Variants in SIPA1L3 observed in about 807,000 individuals in gnomAD.
SIPA1L3 encodes the protein signal induced proliferation associated 1 like 3.
A neutral mutation model predicts 150.1 loss-of-function variants in SIPA1L3; 59 were observed. That is an observed-to-expected ratio of 0.39 (90% confidence interval 0.32 to 0.49). The LOEUF (loss-of-function observed/expected upper bound fraction) is 0.49. Ranked by LOEUF, SIPA1L3 falls within the 20% of genes least tolerant of loss-of-function variation. SIPA1L3 has a pLI of 0.86. For missense variants in SIPA1L3, 2,211 were observed against 2,489.5 expected (o/e 0.89, Z 2.38); for synonymous variants, 1,070 against 1,077.6 (o/e 0.99, Z 0.14).
At chr19:38,127,320 A>T (rs1325882998) in intron 9 of SIPA1L3, among the ~76,000 whole-genome samples, 2 of 152,280 alleles carry the variant, frequency 1.3e-5, no homozygotes, top group East Asian at 3.9e-4. Context: ...TTATCATTTC[A>T]TCTGTAAATT....
intron 1 of SIPA1L3, among the ~76,000 whole-genome samples, chr19:37,939,339 T>A (rs1363443901): frequency 7.1e-6 from 1 of 140,340 alleles, no homozygotes; most frequent in South Asian, 2.2e-4. Context: ...AGGCGGAGGC[T>A]GCAGTGAGCC....
At chr19:38,129,615 ACT>A (rs36021555) in intron 9 of SIPA1L3, among the ~76,000 whole-genome samples, 53,258 of 142,066 alleles carry the variant, frequency 0.37, 10,559 homozygotes, top group East Asian at 0.62. Context: ...ACAGAGCGAG[ACT>A]CTGTCTCAAA....
Position 38,193,665 on chromosome 19 carries a change from C to A in SIPA1L3, c.4725C>A (p.Ser1575Arg). The A allele has an allele frequency of 6.3e-7, 1 of 1,581,354 alleles. No individual in the cohort carries two copies. Among genetic ancestry groups the A allele is most frequent in the Non-Finnish European group, 8.5e-7 (1 of 1,171,570 alleles). Residue 1575 changes from serine (S) to arginine (R), a missense_variant, in exon 18 of 22, where the codon AGC becomes AGA. By Grantham distance (110) the Ser-to-Arg change is moderately radical (BLOSUM62 -1). This residue lies in a region of SIPA1L3 where 806 missense variants were observed against 870.1 expected (regional missense o/e 0.93). Transcript: ENST00000222345. Reference sequence around the variant, plus strand: ...TGCCCAGCGACGTGCTCTTCACCAGCACCTGCGCCTTCCCGTCCAGCACGC... The same window carrying A: ...TGCCCAGCGACGTGCTCTTCACCAGAACCTGCGCCTTCCCGTCCAGCACGC... The part of the protein sequence containing the change: ...PGLPSDVLFT[S>R]TCAFPSSTLP...
At chr19:38,167,119 G>C (rs565297307) in intron 15 of SIPA1L3, among the ~76,000 whole-genome samples, 81 of 151,616 alleles carry the variant, frequency 5.3e-4, no homozygotes, top group Non-Finnish European at 8.7e-4. Context: ...TGTAGTCCCA[G>C]ATACTCGGGA....
intron 1 of SIPA1L3, among the ~76,000 whole-genome samples, chr19:37,980,098 C>T (rs1022251483): frequency 2.0e-5 from 3 of 152,230 alleles, no homozygotes; most frequent in South Asian, 2.1e-4. Context: ...CCTTGACCCT[C>T]TCCCCATCAC....
At chr19:38,151,757 G>C (rs535561806) in intron 12 of SIPA1L3, among the ~76,000 whole-genome samples, 1 of 152,032 alleles carries the variant, frequency 6.6e-6, no homozygotes, top group African/African-American at 2.4e-5. Context: ...GGGCCCAGGA[G>C]TTCAAGACCA....
intron 8 of SIPA1L3, among the ~76,000 whole-genome samples, chr19:38,111,870 TGCACAC>T (rs1303715370): frequency 2.0e-5 from 3 of 152,178 alleles, no homozygotes; most frequent in East Asian, 1.9e-4. Context: ...TTTACACACA[TGCACAC>T]GCACACGTGC....
chr19:37,956,218 G>T (rs1002303525), intron 1 of SIPA1L3, among the ~76,000 whole-genome samples: 68 of 152,206 alleles, frequency 4.5e-4, no homozygotes, highest in African/African-American at 1.5e-3. Flanking sequence ...TGGGTGTGCA[G>T]TGGTATCTCA....
chr19:37,939,255 G>C (rs2046629901), intron 1 of SIPA1L3, among the ~76,000 whole-genome samples: 1 of 152,002 alleles, frequency 6.6e-6, no homozygotes, highest in Non-Finnish European at 1.5e-5. Context: ...TCAACTACAG[G>C]CTGGCCATGG....
Position 38,127,052 on chromosome 19 carries a change from T to C in SIPA1L3, c.2869-3446T>C, listed in dbSNP as rs138954361. 3.0e-3 allele frequency among the ~76,000 whole-genome samples: 456 copies of C among 151,998 alleles called. 7 individuals carry two copies. In the East Asian group the frequency reaches 0.046, roughly 15 times the overall value. On this transcript the variant is annotated intron_variant, in intron 9 of 21. Coordinates refer to ENST00000222345, the MANE Select transcript of SIPA1L3 (RefSeq NM_015073.3). The stretch of plus-strand genomic sequence containing the variant: ...TACTAAAAATACAAAATTAGCTGGG[T>C]GTGGTGGCGCATGCCTGTGATCCCA...
Position 37,930,094 on chromosome 19 carries a change from G to A in SIPA1L3, c.-379+22736G>A, listed in dbSNP as rs1468163775. On this transcript the variant is annotated intron_variant, in intron 1 of 21. Transcript: ENST00000222345. Reference sequence around the variant, plus strand: ...GGCTGGAGTGCAGTGGCGCGATCTCGGCTCACTGCAACCTCTGACTCCCTG... The same window carrying A: ...GGCTGGAGTGCAGTGGCGCGATCTCAGCTCACTGCAACCTCTGACTCCCTG... Among the ~76,000 whole-genome samples, 12 of 148,228 alleles carry A rather than the reference G, an allele frequency of 8.1e-5. No homozygotes were observed. The East Asian group carries it at 2.4e-3, about 30-fold the overall frequency.
At chr19:38,132,121 C>T (rs1356061739) in intron 10 of SIPA1L3, among the ~76,000 whole-genome samples, 1 of 152,024 alleles carries the variant, frequency 6.6e-6, no homozygotes, top group Non-Finnish European at 1.5e-5. Flanking sequence ...GCAGTTGTAG[C>T]CCCAGCTATT....
At position 37,967,094 on chromosome 19, in the gene SIPA1L3, C is replaced by T. The variant is rs553003304; in HGVS notation, c.-379+59736C>T. On this transcript the variant is annotated intron_variant, in intron 1 of 21. Coordinates refer to ENST00000222345, the MANE Select transcript of SIPA1L3 (RefSeq NM_015073.3). Reference sequence around the variant, plus strand: ...GGGCTCGGGCTGGGTTGGTTCCTTCCGAGGTCTATCAAGAAGACTTTGTCC... The same window carrying T: ...GGGCTCGGGCTGGGTTGGTTCCTTCTGAGGTCTATCAAGAAGACTTTGTCC... 5.4e-4 allele frequency among the ~76,000 whole-genome samples: 82 copies of T among 152,186 alleles called. No homozygotes were observed. The Middle Eastern group carries it at 0.01, about 19-fold the overall frequency.
rs112652301 is a variant in SIPA1L3 at position 37,940,153 on chromosome 19, C to G, written c.-379+32795C>G. ...AAAGGAGGCTGGGCATAGAGGCTCT[C>G]AACTGTACTCCCAGCACTTTGGGAG... On this transcript the variant is annotated intron_variant, in intron 1 of 21. Coordinates refer to ENST00000222345, the MANE Select transcript of SIPA1L3 (RefSeq NM_015073.3). Among the ~76,000 whole-genome samples the G allele has an allele frequency of 5.4e-3, 824 of 152,082 alleles. 7 individuals are homozygous for G. The highest frequency in any genetic ancestry group is 0.019 in the African/African-American group (800 of 41,488).
intron 1 of SIPA1L3, among the ~76,000 whole-genome samples, chr19:37,923,232 AC>A (rs1286521644): frequency 6.6e-6 from 1 of 152,128 alleles, no homozygotes; most frequent in Non-Finnish European, 1.5e-5. Flanking sequence ...GGAAGCAGTC[AC>A]GCATGGCTTC....
chr19:38,180,359 A>G (rs932341009), intron 15 of SIPA1L3, among the ~76,000 whole-genome samples: 16 of 151,704 alleles, frequency 1.1e-4, no homozygotes, highest in Admixed American at 4.6e-4. Context: ...GTGGGGTCTC[A>G]CTGTGTTTCC....
intron 4 of SIPA1L3, among the ~76,000 whole-genome samples, chr19:38,089,346 A>G (rs1250270573): frequency 6.6e-6 from 1 of 151,678 alleles, no homozygotes; most frequent in Admixed American, 6.6e-5. Context: ...AAAAAAAAAA[A>G]AGAAAAAAAA....
intron 1 of SIPA1L3, among the ~76,000 whole-genome samples, chr19:37,972,325 A>G (rs530286707): frequency 1.5e-4 from 23 of 152,284 alleles, no homozygotes; most frequent in African/African-American, 5.3e-4. Flanking sequence ...TAAATTTGTG[A>G]TATAGTGTGG....
intron 18 of SIPA1L3, among the ~76,000 whole-genome samples, chr19:38,196,171 C>G (rs1972926355): frequency 6.6e-6 from 1 of 152,230 alleles, no homozygotes; most frequent in Non-Finnish European, 1.5e-5. Context: ...CTGGGCTTCA[C>G]TAACCAAGTG....
Sources: allele counts gnomAD v4.1 joint callset (sites outside exome capture counted in the v4.1 genomes callset), GRCh38; gene constraint gnomAD v4.1.1; regional missense constraint gnomAD v4.1.1; transcripts MANE v1.5; gene names NCBI Gene and HGNC (gene_info 2026-07-23, HGNC 2026-07-21).